TCF25: variants seen among roughly 807,000 people sequenced by gnomAD.
TCF25 encodes ribosome quality control complex subunit TCF25.
In TCF25, 41 loss-of-function variants were observed where a neutral mutation model predicts 83.1. The ratio of observed to expected loss-of-function variants is 0.49; its 90% CI spans 0.38 to 0.64. The LOEUF is 0.64. TCF25 is among the 30% of genes least tolerant of loss of function. The pLI is 0.00. For synonymous variants in TCF25, 458 were observed against 365.0 expected (o/e 1.25, Z -2.90); for missense variants, 979 against 914.5 (o/e 1.07, Z -0.91).
intron 1 of TCF25, 30 bp downstream of exon 1, chr16:89,873,889 G>T: frequency 2.0e-6 from 3 of 1,498,280 alleles, no homozygotes; most frequent in South Asian, 2.5e-5. Context: ...GGGTGGGGGT[G>T]GGGTGGCCCT....
intron 13 of TCF25, 46 bp from the exon 14 acceptor site, chr16:89,904,892 T>C (rs968346024): frequency 1.3e-6 from 2 of 1,578,058 alleles, no homozygotes; most frequent in Admixed American, 1.8e-5. Flanking sequence ...CGAGGCAGGC[T>C]GTGGTCTGAA....
At chr16:89,896,547 GCA>G (rs987647727) in intron 9 of TCF25, among the ~76,000 whole-genome samples, 1 of 144,426 alleles carries the variant, frequency 6.9e-6, no homozygotes, top group African/African-American at 2.7e-5. Context: ...TCTCAAAACA[GCA>G]TTTTTTTTTT....
chr16:89,900,963 C>G, intron 12 of TCF25, 169 bp downstream of exon 12: 1 of 787,232 alleles, frequency 1.3e-6, no homozygotes, highest in Non-Finnish European at 1.8e-6. Context: ...AGAGGGTCGG[C>G]TCATCTCGGA....
chr16:89,893,640 C>A, intron 6 of TCF25, 88 bp from the exon 7 acceptor site: 1 of 1,600,088 alleles, frequency 6.2e-7, no homozygotes, highest in Non-Finnish European at 8.5e-7. Flanking sequence ...GAGGCCTCAT[C>A]CAGAACACCA....
intron 13 of TCF25, chr16:89,904,728 TA>T (rs1384014218): frequency 4.3e-6 from 3 of 704,482 alleles, no homozygotes; most frequent in South Asian, 1.5e-5. Context: ...TCCTGCTTCC[TA>T]AAGAACATAA....
intron 16 of TCF25, among the ~76,000 whole-genome samples, chr16:89,908,647 G>T (rs867841678): frequency 3.2e-4 from 5 of 15,646 alleles, no homozygotes; most frequent in Non-Finnish European, 4.9e-4. Context: ...CCACCTCCCA[G>T]CTCCCACCTC....
At chr16:89,898,904 G>A (rs930879707) in intron 11 of TCF25, 32 bp downstream of exon 11, 1 of 1,595,038 alleles carries the variant, frequency 6.3e-7, no homozygotes, top group Admixed American at 1.7e-5. Context: ...CCCCGTGGAG[G>A]GACGGACACC....
intron 1 of TCF25, among the ~76,000 whole-genome samples, chr16:89,878,065 C>T (rs1161991763): frequency 6.6e-6 from 1 of 152,116 alleles, no homozygotes; most frequent in Non-Finnish European, 1.5e-5. Flanking sequence ...ATCACTTGAG[C>T]TCAGGTGTGT....
chr16:89,873,975 G>T, intron 1 of TCF25, 116 bp downstream of exon 1: 1 of 1,284,022 alleles, frequency 7.8e-7, no homozygotes, highest in South Asian at 1.6e-5. Context: ...GAAGGGTGAC[G>T]TGGGTCCCAG....
Position 89,910,583 on chromosome 16 carries a change from T to C in TCF25, c.1800-8T>C. The C allele has an allele frequency of 1.2e-6, 2 of 1,613,652 alleles. No individual in the cohort carries two copies. The highest frequency in any genetic ancestry group is 1.7e-6 in the Non-Finnish European group (2 of 1,179,898). ...TGTCGTTTCTGACTTTTCTTGACTT[T>C]CTTTCAGGCTAAGTCCTATCAGCCA... is the stretch of plus-strand genomic sequence containing the variant. On this transcript the variant is annotated splice_region_variant and splice_polypyrimidine_tract_variant and intron_variant, in intron 16 of 17. Transcript: ENST00000263346.
intron 12 of TCF25, among the ~76,000 whole-genome samples, chr16:89,901,686 A>G (rs1362895342): frequency 2.1e-5 from 1 of 48,580 alleles, no homozygotes; most frequent in Non-Finnish European, 4.1e-5. Context: ...CAGAGCTTGC[A>G]GTGAGCCGAG....
intron 12 of TCF25, 42 bp from the exon 13 acceptor site, chr16:89,904,076 T>C (rs747441947): frequency 1.1e-4 from 165 of 1,539,116 alleles, no homozygotes; most frequent in Non-Finnish European, 1.4e-4. Flanking sequence ...GTGGCTGGGG[T>C]GTGTGCTGAG....
chr16:89,893,538 T>C (rs1444260395), intron 6 of TCF25, among the ~76,000 whole-genome samples, 190 bp from the exon 7 acceptor site: 1 of 152,182 alleles, frequency 6.6e-6, no homozygotes, highest in Non-Finnish European at 1.5e-5. Flanking sequence ...TGCCGTCTCC[T>C]GGTGTAGACC....
At position 89,883,342 on chromosome 16, in the gene TCF25, T is replaced by A. The variant is rs779334543; in HGVS notation, c.193-9T>A. ...AACGCCCTGGCTCTTCTCCAACCTGTTTTTCCAGATAAACATTGACGATCT... is the reference window on the plus strand; with the variant it reads ...AACGCCCTGGCTCTTCTCCAACCTGATTTTCCAGATAAACATTGACGATCT... On this transcript the variant is annotated splice_polypyrimidine_tract_variant and intron_variant, in intron 1 of 17. Coordinates refer to ENST00000263346, the MANE Select transcript of TCF25 (RefSeq NM_014972.3). 1 of 1,611,610 alleles carries A rather than the reference T, an allele frequency of 6.2e-7. No homozygotes were observed. The highest frequency in any genetic ancestry group is 1.1e-5 in the South Asian group (1 of 91,010).
intron 1 of TCF25, among the ~76,000 whole-genome samples, chr16:89,876,269 C>T (rs549807364): frequency 7.2e-5 from 11 of 152,020 alleles, no homozygotes; most frequent in Admixed American, 7.2e-4. Flanking sequence ...CTTTTTTGCT[C>T]TTAAAACTCA....
intron 7 of TCF25, 47 bp from the exon 8 acceptor site, chr16:89,894,987 CTGGG>C: frequency 6.5e-7 from 1 of 1,542,782 alleles, no homozygotes; most frequent in South Asian, 1.1e-5. Context: ...TGCCTGGGAG[CTGGG>C]GCCTTGCTGA....
chr16:89,873,600 G>A lies in TCF25; in HGVS notation c.-68G>A. On this transcript the variant is annotated 5_prime_UTR_variant, in exon 1 of 18. Coordinates refer to ENST00000263346, the MANE Select transcript of TCF25 (RefSeq NM_014972.3). ...CCGACCCCGCGCGAAGAGTGCGCAG[G>A]CGCGCCGACAGCCGAGTTTTCTGCG... 3 of 1,404,492 alleles carry A rather than the reference G, an allele frequency of 2.1e-6. No homozygotes were observed. Among genetic ancestry groups the A allele is most frequent in the Non-Finnish European group, 2.8e-6 (3 of 1,077,732 alleles). The allele number at this position is 1,404,492 out of a possible 1,614,324, so 87.0% of individuals were successfully genotyped here.
chr16:89,909,453 G>C (rs1393202936), intron 16 of TCF25: 4 of 214,122 alleles, frequency 1.9e-5, no homozygotes, highest in African/African-American at 9.3e-5. Flanking sequence ...ACAGGTTGCA[G>C]TGAGTGGAGA....
chr16:89,901,463 CG>C (rs1443072220), intron 12 of TCF25, among the ~76,000 whole-genome samples: 2,448 of 144,954 alleles, frequency 0.017, 95 homozygotes, highest in East Asian at 0.08. Context: ...GACGGGCCTC[CG>C]GCCGGGCGCG....
Sources: gnomAD v4.1 joint callset for allele counts (sites outside exome capture counted in the v4.1 genomes callset) on GRCh38, gnomAD v4.1.1 for gene constraint, MANE v1.5 for transcripts, NCBI Gene and HGNC (gene_info 2026-07-23, HGNC 2026-07-21) for gene names.